The following ZNF687 variants were observed in gnomAD, a reference collection of about 807,000 sequenced individuals.
ZNF687 encodes the protein zinc finger protein 687.
A neutral mutation model predicts 71.8 loss-of-function variants in ZNF687; 13 were observed. That is an observed-to-expected ratio of 0.18 (90% CI 0.12 to 0.29). The LOEUF is 0.29. Ranked by LOEUF, ZNF687 falls within the 10% of genes least tolerant of loss-of-function variation. The pLI is 1.00. For synonymous variants in ZNF687, 673 were observed against 641.6 expected, an observed-to-expected ratio of 1.05 and a Z score of -0.74; for missense variants, 1,412 against 1,625.6, an observed-to-expected ratio of 0.87 and a Z score of 2.26.
upstream of ZNF687, chr1:151,281,893 G>T (rs965096789): frequency 6.4e-6 from 4 of 627,424 alleles, no homozygotes; most frequent in Middle Eastern, 3.4e-4. Context: ...TCGCGAAAGT[G>T]AACTGCAGCT....
intron 1 of ZNF687, 122 bp from the exon 2 acceptor site, chr1:151,286,153 G>A (rs1386970338): frequency 2.6e-6 from 2 of 762,510 alleles, no homozygotes; most frequent in African/African-American, 3.5e-5. Flanking sequence ...TGGCGGAGGT[G>A]TACCTAAGTT....
chr1:151,286,010 C>T, intron 1 of ZNF687: 1 of 283,264 alleles, frequency 3.5e-6, no homozygotes, highest in Non-Finnish European at 6.5e-6. Context: ...CGCACCTGGC[C>T]CCTTCCCTGT....
In ZNF687 at chr1:151,286,519, G is replaced by A. The variant is rs781640832; in HGVS notation, c.228G>A (p.Pro76=). Residue 76 remains proline (P), a synonymous_variant, in exon 2 of 9, where the codon CCG becomes CCA. Coordinates refer to ENST00000336715, the MANE Select transcript of ZNF687 (RefSeq NM_020832.3). ...PAQASDHGLP[P]PDISVVSVIV... Reference sequence around the variant, plus strand: ...AGGCCTCTGACCATGGCCTGCCACCGCCAGACATTTCTGTAGTCAGTGTCA... The same window carrying A: ...AGGCCTCTGACCATGGCCTGCCACCACCAGACATTTCTGTAGTCAGTGTCA... 76 of 1,614,018 alleles carry A rather than the reference G, an allele frequency of 4.7e-5. No individual in the cohort carries two copies. The South Asian group carries it at 5.6e-4, about 12-fold the overall frequency.
In ZNF687 at chr1:151,289,857, C is replaced by T; in HGVS notation, c.2814C>T (p.Pro938=). The part of the protein sequence containing the change: ...EEEVPSSPEP[P]RPAKRPRREL... ...AAGTACCCAGCTCCCCTGAGCCCCC[C>T]CGTCCAGCCAAACGGCCTCGGCGGG... The change falls in exon 6 of 9, where the codon CCC becomes CCT. Residue 938 remains proline, a synonymous_variant. Transcript: ENST00000336715. 2 of 1,567,806 alleles carry T rather than the reference C, an allele frequency of 1.3e-6. No homozygotes were observed. Among genetic ancestry groups the T allele is most frequent in the Non-Finnish European group, 1.7e-6 (2 of 1,155,638 alleles).
In ZNF687 at chr1:151,289,397, A is replaced by T; in HGVS notation, c.2491A>T (p.Met831Leu). 6.2e-7 allele frequency: 1 copy of T among 1,614,188 alleles called. No homozygotes were observed. Among genetic ancestry groups the T allele is most frequent in the Non-Finnish European group, 8.5e-7 (1 of 1,180,046 alleles). ...CTTCAGGCTGATCTACAAGTGCGCCATGTGCGACACAGTCTTCACTCACAA... is the reference window on the plus strand; with the variant it reads ...CTTCAGGCTGATCTACAAGTGCGCCTTGTGCGACACAGTCTTCACTCACAA... ...QQAKLIYKCA[M>L]CDTVFTHKPL... is the part of the protein sequence containing the mutation. Residue 831 changes from methionine to leucine, a missense_variant, in exon 5 of 9, where the codon ATG (methionine) becomes TTG (leucine). Around this residue, in one of 8 missense-constraint regions of ZNF687, gnomAD observed 106 missense variants for 146.0 expected, o/e 0.73. Transcript: ENST00000336715.
At chr1:151,282,511 G>A (rs1693758415) in intron 1 of ZNF687, 116 bp downstream of exon 1, 1 of 798,394 alleles carries the variant, frequency 1.3e-6, no homozygotes, top group African/African-American at 1.9e-5. Context: ...GCCGCCCCCT[G>A]GGGCGGCTTC....
chr1:151,287,382 T>C lies in ZNF687; in HGVS notation c.1091T>C (p.Phe364Ser). 2 of 1,614,154 alleles carry C rather than the reference T, an allele frequency of 1.2e-6. No individual in the cohort carries two copies. Among genetic ancestry groups the C allele is most frequent in the South Asian group, 1.1e-5 (1 of 91,080 alleles). Reference protein sequence around the residue: ...DPPAPLAEGAFLAEASLLKLS... With the variant: ...DPPAPLAEGASLAEASLLKLS... The stretch of plus-strand genomic sequence containing the variant: ...CCTGCCCCCTTGGCTGAGGGGGCCT[T>C]CTTGGCTGAGGCTAGCCTCTTGAAG... The change falls in exon 2 of 9, where the codon TTC (phenylalanine) becomes TCC (serine). Residue 364 changes from phenylalanine to serine, a missense_variant. Physicochemically the swap from Phe to Ser is radical, Grantham distance 155. Around this residue, in one of 8 missense-constraint regions of ZNF687, gnomAD observed 490 missense variants for 489.9 expected, o/e 1.00. Coordinates refer to ENST00000336715, the MANE Select transcript of ZNF687 (RefSeq NM_020832.3). This position sits in a 1 kb window ranked among gnomAD's most constrained non-coding sequence, Gnocchi z 5.0.
At chr1:151,283,370 C>A in intron 1 of ZNF687, 1 of 945,746 alleles carries the variant, frequency 1.1e-6, no homozygotes, top group Non-Finnish European at 1.3e-6. Context: ...TCCTGTTCAG[C>A]CTCTTTGGCT....
intron 1 of ZNF687, chr1:151,283,173 C>G (rs1693797627): frequency 1.0e-6 from 1 of 985,462 alleles, no homozygotes; most frequent in Non-Finnish European, 1.2e-6. Context: ...ACCCCGCCCC[C>G]TCCTCGAAAC....
intron 1 of ZNF687, among the ~76,000 whole-genome samples, chr1:151,284,802 C>CTTTTTTTTT (rs869269504): frequency 5.3e-5 from 3 of 56,430 alleles, no homozygotes; most frequent in African/African-American, 8.1e-5. Context: ...CTTGTCTTGT[C>CTTTTTTTTT]TTTTTTTTTT....
Position 151,288,595 on chromosome 1 carries a change from A to G in ZNF687, c.2183A>G (p.Lys728Arg), listed in dbSNP as rs1320672176. The G allele has an allele frequency of 6.2e-7, 1 of 1,614,144 alleles. No homozygotes were observed. Among genetic ancestry groups the G allele is most frequent in the Admixed American group, 1.7e-5 (1 of 60,014 alleles). Reference sequence around the variant, plus strand: ...TTCAGCGCCCACCAGCGCATGCATAAGAATCGACCCCCCCATGTCTGTCCT... The same window carrying G: ...TTCAGCGCCCACCAGCGCATGCATAGGAATCGACCCCCCCATGTCTGTCCT... ...CSFSAHQRMH[K>R]NRPPHVCPEC... Residue 728 changes from lysine to arginine, a missense_variant, in exon 3 of 9, where the codon AAG becomes AGG. This residue lies in a region of ZNF687 where 207 missense variants were observed against 239.2 expected (regional missense o/e 0.87). Coordinates refer to ENST00000336715, the MANE Select transcript of ZNF687 (RefSeq NM_020832.3).
chr1:151,290,960 C>G lies in ZNF687; in HGVS notation c.3465C>G (p.Phe1155Leu). The change falls in exon 9 of 9, where the codon TTC becomes TTG. Residue 1155 changes from phenylalanine to leucine, a missense_variant. By Grantham distance (22) the Phe-to-Leu change is conservative. Transcript: ENST00000336715. ...ASPGSLSRHR[F>L]ISHKKRRGVG... ...CTGGCTCCCTGAGCCGACACCGTTT[C>G]ATCAGCCACAAGAAGAGACGGGGTG... 1.2e-6 allele frequency: 2 copies of G among 1,613,896 alleles called. No homozygotes were observed. The highest frequency in any genetic ancestry group is 8.5e-7 in the Non-Finnish European group (1 of 1,179,998).
intron 1 of ZNF687, chr1:151,283,103 C>G: frequency 1.0e-6 from 1 of 985,476 alleles, no homozygotes; most frequent in Non-Finnish European, 1.2e-6. Context: ...GCTTCGCACG[C>G]CGGTGCGAGT....
Position 151,289,767 on chromosome 1 carries a change from G to C in ZNF687, c.2724G>C (p.Leu908=), listed in dbSNP as rs1694121727. The C allele has an allele frequency of 6.4e-7, 1 of 1,560,802 alleles. No individual in the cohort carries two copies. Among genetic ancestry groups the C allele is most frequent in the East Asian group, 2.4e-5 (1 of 41,792 alleles). ...CCCCCAAGACTGAGCCTGAGGAGCT[G>C]GCTGTTTCTCAGGGAGGGGCAGCCC... The part of the protein sequence containing the change: ...LLTPKTEPEE[L]AVSQGGAAPA... Residue 908 remains leucine (L), a synonymous_variant, in exon 6 of 9, where the codon CTG becomes CTC. Coordinates refer to ENST00000336715, the MANE Select transcript of ZNF687 (RefSeq NM_020832.3).
chr1:151,290,879 G>A lies in ZNF687; in HGVS notation c.3384G>A (p.Leu1128=), dbSNP rs1264658265. The A allele has an allele frequency of 3.1e-6, 5 of 1,614,136 alleles. No homozygotes were observed. The South Asian group carries it at 3.3e-5, about 11-fold the overall frequency. Residue 1128 remains leucine (L), a synonymous_variant, in exon 9 of 9, where the codon TTG becomes TTA. Transcript: ENST00000336715. ...SSTEQSLMMG[L]RVEDGAQQCL... ...CAGAACAGAGCCTCATGATGGGGTT[G>A]AGGGTGGAGGATGGTGCCCAGCAGT... is the stretch of plus-strand genomic sequence containing the variant.
chr1:151,285,675 G>A (rs1384927972), intron 1 of ZNF687: 1 of 152,376 alleles, frequency 6.6e-6, no homozygotes, highest in African/African-American at 2.4e-5. Context: ...GCCTCCCCAA[G>A]TGCTGGGATT....
Position 151,287,167 on chromosome 1 carries a change from G to T in ZNF687, c.876G>T (p.Gly292=). The change falls in exon 2 of 9, where the codon GGG becomes GGT. Residue 292 remains glycine (G), a synonymous_variant. Transcript: ENST00000336715. The surrounding 1 kb of genome is among the most constrained non-coding windows in gnomAD (Gnocchi z 5.0). ...TGAAGGAAGAAGATGATGATGAGGGGCCAGTGGACAAGTCTTCCCCAGGAA... is the reference window on the plus strand; with the variant it reads ...TGAAGGAAGAAGATGATGATGAGGGTCCAGTGGACAAGTCTTCCCCAGGAA... ...QPLKEEDDDE[G]PVDKSSPGSP... 1 of 1,614,188 alleles carries T rather than the reference G, an allele frequency of 6.2e-7. No individual in the cohort carries two copies. The highest frequency in any genetic ancestry group is 1.1e-5 in the South Asian group (1 of 91,078).
chr1:151,289,882 G>C lies in ZNF687; in HGVS notation c.2839G>C (p.Glu947Gln), dbSNP rs772239352. Residue 947 changes from glutamate (E) to glutamine (Q), a missense_variant, in exon 6 of 9, where the codon GAA becomes CAA. Transcript: ENST00000336715. ...CCGTCCAGCCAAACGGCCTCGGCGGGAACTAGGGAGCAAAGGCCTCAAGGG... is the reference window on the plus strand; with the variant it reads ...CCGTCCAGCCAAACGGCCTCGGCGGCAACTAGGGAGCAAAGGCCTCAAGGG... ...PPRPAKRPRR[E>Q]LGSKGLKGGG... 9.2e-5 allele frequency: 144 copies of C among 1,562,050 alleles called. No homozygotes were observed. Among genetic ancestry groups the C allele is most frequent in the Non-Finnish European group, 1.2e-4 (139 of 1,152,370 alleles).
intron 1 of ZNF687, chr1:151,283,106 G>A (rs767957355): frequency 6.1e-6 from 6 of 985,486 alleles, no homozygotes; most frequent in Non-Finnish European, 7.2e-6. Flanking sequence ...TCGCACGCCG[G>A]TGCGAGTGAG....
Sources: gnomAD v4.1 joint callset for allele counts (sites outside exome capture counted in the v4.1 genomes callset) on GRCh38, gnomAD v4.1.1 for gene constraint, gnomAD v4.1.1 regional missense constraint, Gnocchi (gnomAD v3.1) non-coding constraint, MANE v1.5 for transcripts, NCBI Gene and HGNC (gene_info 2026-07-23, HGNC 2026-07-21) for gene names.